The following RIPOR2 variants were observed in gnomAD, a reference collection of about 807,000 sequenced individuals.
RIPOR2 encodes the protein rho family-interacting cell polarization regulator 2.
RIPOR2 carries 39 observed loss-of-function variants against 114.5 expected under a neutral mutation model. The observed-to-expected ratio is 0.34, with a 90% CI of 0.26 to 0.44. RIPOR2 has a LOEUF of 0.44. RIPOR2 is among the 20% of genes least tolerant of loss of function. The probability of loss-of-function intolerance (pLI) is 1.00; values close to 1 mark genes in which losing one functional copy is unlikely to be tolerated. For synonymous variants in RIPOR2, 445 were observed against 484.4 expected, an observed-to-expected ratio of 0.92 and a Z score of 1.07; for missense variants, 1,007 against 1,255.1, an observed-to-expected ratio of 0.80 and a Z score of 2.99.
At chr6:24,948,704 T>G (rs1772591771) in intron 1 of RIPOR2, among the ~76,000 whole-genome samples, 1 of 152,164 alleles carries the variant, frequency 6.6e-6, no homozygotes, top group Admixed American at 6.5e-5. Context: ...GCTAATTTTG[T>G]ATTTTTAGTA....
At chr6:25,032,148 T>C (rs1439190867) in intron 1 of RIPOR2, among the ~76,000 whole-genome samples, 1 of 150,864 alleles carries the variant, frequency 6.6e-6, no homozygotes, top group East Asian at 1.9e-4. Context: ...TTTACTGTCC[T>C]CCCTTTGATG....
At chr6:24,864,084 C>T (rs899945878) in intron 7 of RIPOR2, among the ~76,000 whole-genome samples, 2 of 152,120 alleles carry the variant, frequency 1.3e-5, no homozygotes, top group Non-Finnish European at 2.9e-5. Context: ...AGTGGATCAC[C>T]TGAGATCAGG....
At position 25,037,868 on chromosome 6, in the gene RIPOR2, A is replaced by G. The variant is rs1257551025; in HGVS notation, c.76+3983T>C. On this transcript the variant is annotated intron_variant, in intron 1 of 13. Transcript: ENST00000510784. The surrounding 1 kb of genome is among the most constrained non-coding windows in gnomAD (Gnocchi z 4.5). ...TACAGGCATGCAGAGCTTATTAAGG[A>G]TTTGTTCTCACCTGGGGAGATTTGA... is the stretch of plus-strand genomic sequence containing the variant. Among the ~76,000 whole-genome samples, 5 of 152,112 alleles carry G rather than the reference A, an allele frequency of 3.3e-5. No individual in the cohort carries two copies.
rs1208862198 is a variant in RIPOR2, at chr6:24,904,509, C to T, written c.62-28692G>A. Among the ~76,000 whole-genome samples, 3 of 152,226 alleles carry T rather than the reference C, an allele frequency of 2.0e-5. No individual in the cohort carries two copies. The East Asian group carries it at 5.8e-4, about 29-fold the overall frequency. On this transcript the variant is annotated intron_variant, in intron 1 of 21. Transcript: ENST00000643898. ...GGGTAATCCAGGATACTGTCAAGTC[C>T]TTGACTTAATCACATCTGCAAAGTC...
Position 25,037,104 on chromosome 6 carries a change from T to C in RIPOR2, c.76+4747A>G, listed in dbSNP as rs1777286777. Among the ~76,000 whole-genome samples, 1 of 152,208 alleles carries C rather than the reference T, an allele frequency of 6.6e-6. No individual in the cohort carries two copies. Reference sequence around the variant, plus strand: ...ACTGTGCTAGGCACTTGACATATTTTATGTCTTTTAATCCCCTCCAATAAC... The same window carrying C: ...ACTGTGCTAGGCACTTGACATATTTCATGTCTTTTAATCCCCTCCAATAAC... On this transcript the variant is annotated intron_variant, in intron 1 of 13. Transcript: ENST00000510784. The surrounding 1 kb of genome is among the most constrained non-coding windows in gnomAD (Gnocchi z 4.5).
intron 1 of RIPOR2, 132 bp downstream of exon 1, chr6:24,935,706 C>A: frequency 3.1e-6 from 2 of 649,288 alleles, no homozygotes; most frequent in East Asian, 5.6e-5. Flanking sequence ...GCAGCCACTA[C>A]CTCACTCAGG....
intron 1 of RIPOR2, among the ~76,000 whole-genome samples, chr6:24,935,320 CA>C (rs976245217): frequency 5.5e-3 from 121 of 21,846 alleles, no homozygotes; most frequent in East Asian, 0.016. Flanking sequence ...AAAACAACAA[CA>C]AAAAAAAAAA....
chr6:24,889,998 T>C (rs1339486536), intron 1 of RIPOR2, among the ~76,000 whole-genome samples: 1 of 152,124 alleles, frequency 6.6e-6, no homozygotes, highest in Non-Finnish European at 1.5e-5. Context: ...TTCAAGCGAT[T>C]CTCCTGCCTC....
chr6:24,937,472 C>G (rs1771877452), upstream of RIPOR2, among the ~76,000 whole-genome samples: 1 of 152,144 alleles, frequency 6.6e-6, no homozygotes, highest in African/African-American at 2.4e-5. Flanking sequence ...TTGCATCTCC[C>G]CTTTCTGACC....
chr6:24,864,683 A>T (rs1764406360), intron 7 of RIPOR2, among the ~76,000 whole-genome samples: 1 of 152,184 alleles, frequency 6.6e-6, no homozygotes, highest in Admixed American at 6.5e-5. Flanking sequence ...TCTCTATGTC[A>T]GATGCTTGGG....
chr6:24,963,804 C>T (rs1425336765), intron 1 of RIPOR2, among the ~76,000 whole-genome samples: 1 of 151,038 alleles, frequency 6.6e-6, no homozygotes, highest in African/African-American at 2.4e-5. Context: ...GGTAAAAATA[C>T]GTGTCTTTGA....
intron 1 of RIPOR2, among the ~76,000 whole-genome samples, chr6:24,902,570 T>C (rs1768585541): frequency 6.6e-6 from 1 of 152,120 alleles, no homozygotes; most frequent in Non-Finnish European, 1.5e-5. Context: ...TTGAGGACAC[T>C]TCCTGAAGTA....
At chr6:24,808,782 CAG>C (rs1780941973) in intron 21 of RIPOR2, among the ~76,000 whole-genome samples, 2 of 139,424 alleles carry the variant, frequency 1.4e-5, no homozygotes, top group East Asian at 4.1e-4. Flanking sequence ...TTTTTTGAGA[CAG>C]AGTCTTGCTC....
intron 1 of RIPOR2, among the ~76,000 whole-genome samples, chr6:24,970,906 A>G (rs1484494081): frequency 6.6e-6 from 1 of 151,748 alleles, no homozygotes; most frequent in African/African-American, 2.4e-5. Flanking sequence ...TTTTTTTAAC[A>G]TCTCTAAGCT....
chr6:24,840,650 A>T, intron 13 of RIPOR2: 1 of 1,532,990 alleles, frequency 6.5e-7, no homozygotes, highest in Non-Finnish European at 8.7e-7. Flanking sequence ...GACACTCAAG[A>T]TGGCACAAAA....
chr6:24,913,704 T>C (rs981501205), intron 1 of RIPOR2, among the ~76,000 whole-genome samples: 4 of 152,228 alleles, frequency 2.6e-5, no homozygotes, highest in Non-Finnish European at 5.9e-5. Context: ...AAAGTCTTCA[T>C]TCTTGGGTAG....
Position 24,865,343 on chromosome 6 carries a change from C to T in RIPOR2, c.609G>A (p.Glu203=), listed in dbSNP as rs926908575. The T allele has an allele frequency of 1.2e-6, 2 of 1,613,624 alleles. No homozygotes were observed. The highest frequency in any genetic ancestry group is 1.7e-6 in the Non-Finnish European group (2 of 1,179,716). Residue 203 remains glutamate, a synonymous_variant, in exon 7 of 22, where the codon GAG becomes GAA. Coordinates refer to ENST00000643898, the MANE Select transcript of RIPOR2 (RefSeq NM_001286445.3). ...AGCTCCGATTGATCTCTGTCAGACT[C>T]TCCCGGGCAGCTTTGCTGGCAGGGG... The part of the protein sequence containing the change: ...ATSPASKAAR[E]SLTEINRSFK...
At chr6:24,957,050 T>A (rs1475964755) in intron 1 of RIPOR2, among the ~76,000 whole-genome samples, 3 of 152,244 alleles carry the variant, frequency 2.0e-5, no homozygotes, top group Non-Finnish European at 4.4e-5. Flanking sequence ...ACTTATTTCA[T>A]CTATTATCCA....
At chr6:24,879,776 C>T (rs1187375378) in intron 1 of RIPOR2, among the ~76,000 whole-genome samples, 1 of 152,208 alleles carries the variant, frequency 6.6e-6, no homozygotes, top group African/African-American at 2.4e-5. Context: ...TGCACCTCTT[C>T]GTTATCAACT....
Sources: allele counts gnomAD v4.1 joint callset (sites outside exome capture counted in the v4.1 genomes callset), GRCh38; gene constraint gnomAD v4.1.1; non-coding constraint Gnocchi (gnomAD v3.1); transcripts MANE v1.5; gene names NCBI Gene and HGNC (gene_info 2026-07-23, HGNC 2026-07-21).